The following TMTC2 variants were observed in gnomAD, a reference collection of about 807,000 sequenced individuals.
TMTC2 encodes the protein transmembrane O-mannosyltransferase targeting cadherins 2, also known as protein O-mannosyl-transferase TMTC2.
In TMTC2, 43 loss-of-function variants were observed where a neutral mutation model predicts 82.4. The ratio of observed to expected loss-of-function variants is 0.52; its 90% CI spans 0.41 to 0.67. The LOEUF (loss-of-function observed/expected upper bound fraction) is 0.67, where lower values mean the gene tolerates loss of function less well. Among genes scored for constraint, TMTC2 ranks in the 30% least tolerant of loss-of-function variants. TMTC2 has a pLI of 0.00. For synonymous variants in TMTC2, 408 were observed against 381.9 expected, an observed-to-expected ratio of 1.07 and a Z score of -0.80; for missense variants, 919 against 1,012.4, an observed-to-expected ratio of 0.91 and a Z score of 1.25.
At chr12:82,907,330 G>T (rs1020333400) in intron 3 of TMTC2, among the ~76,000 whole-genome samples, 1 of 151,920 alleles carries the variant, frequency 6.6e-6, no homozygotes, top group African/African-American at 2.4e-5. Flanking sequence ...GGGCGTGGTG[G>T]TGCGCGCCTA....
At chr12:82,982,983 A>C (rs1202813651) in intron 7 of TMTC2, among the ~76,000 whole-genome samples, 2 of 151,908 alleles carry the variant, frequency 1.3e-5, no homozygotes, top group African/African-American at 4.8e-5. Context: ...TTATAAAGCA[A>C]CTATTATAGA....
chr12:83,086,906 G>A (rs1883679684), intron 11 of TMTC2, among the ~76,000 whole-genome samples: 1 of 152,162 alleles, frequency 6.6e-6, no homozygotes, highest in African/African-American at 2.4e-5. Context: ...TTTGCTGAAG[G>A]CTGGGCTGGC....
At chr12:83,061,666 G>T in intron 10 of TMTC2, 102 bp from the exon 11 acceptor site, 1 of 999,724 alleles carries the variant, frequency 1.0e-6, no homozygotes, top group South Asian at 1.9e-5. Flanking sequence ...TGTTTGGTGT[G>T]ACCAGAATTT....
chr12:82,818,109 A>G (rs1868858500), intron 1 of TMTC2, among the ~76,000 whole-genome samples: 1 of 151,998 alleles, frequency 6.6e-6, no homozygotes, highest in South Asian at 2.1e-4. Flanking sequence ...CATGAAAATA[A>G]TTTTGTATTT....
intron 11 of TMTC2, among the ~76,000 whole-genome samples, chr12:83,095,058 G>A (rs1336966233): frequency 2.6e-5 from 4 of 152,104 alleles, no homozygotes; most frequent in African/African-American, 4.8e-5. Context: ...AAAAAACATG[G>A]CACATTAGTG....
chr12:82,903,738 C>G (rs12309442), intron 3 of TMTC2, among the ~76,000 whole-genome samples: 1 of 152,126 alleles, frequency 6.6e-6, no homozygotes, highest in Non-Finnish European at 1.5e-5. Context: ...TAAAAAATGG[C>G]ATAGATGCTG....
At chr12:82,774,633 ATT>A (rs1211938967) in intron 1 of TMTC2, among the ~76,000 whole-genome samples, 17 of 130,942 alleles carry the variant, frequency 1.3e-4, no homozygotes, top group Admixed American at 1.6e-4. Context: ...AAAAAGAACA[ATT>A]TTTTTTTTTT....
At chr12:82,732,383 C>G (rs1169218800) in intron 1 of TMTC2, among the ~76,000 whole-genome samples, 1 of 151,984 alleles carries the variant, frequency 6.6e-6, no homozygotes, top group Non-Finnish European at 1.5e-5. Flanking sequence ...TGTCCTGTCG[C>G]CCAGGCTGGA....
chr12:82,938,832 T>C (rs968526417), intron 4 of TMTC2, among the ~76,000 whole-genome samples: 2 of 152,282 alleles, frequency 1.3e-5, no homozygotes, highest in South Asian at 2.1e-4. Context: ...GAGTAAAACA[T>C]AGAAGTCCCT....
chr12:83,096,162 T>C (rs961721345), intron 11 of TMTC2, among the ~76,000 whole-genome samples: 11 of 152,270 alleles, frequency 7.2e-5, no homozygotes, highest in Admixed American at 3.3e-4. Context: ...GTTTGAAATA[T>C]GTTTTCTGCC....
At chr12:82,802,546 T>C (rs73358237) in intron 1 of TMTC2, among the ~76,000 whole-genome samples, 2,163 of 152,290 alleles carry the variant, frequency 0.014, 51 homozygotes, top group African/African-American at 0.05. Context: ...GGCAATTGGG[T>C]AAAGACATTT....
chr12:83,096,453 G>GA (rs149556543), intron 11 of TMTC2, among the ~76,000 whole-genome samples: 6,634 of 152,254 alleles, frequency 0.044, 226 homozygotes, highest in Middle Eastern at 0.092. Flanking sequence ...AGACATACCT[G>GA]AGACAGGGTA....
intron 1 of TMTC2, among the ~76,000 whole-genome samples, chr12:82,748,406 C>T (rs762610185): frequency 1.3e-4 from 20 of 152,096 alleles, no homozygotes; most frequent in Non-Finnish European, 2.1e-4. Context: ...ATACAGTATG[C>T]GCTTTGGAGG....
At chr12:82,812,849 A>T (rs1471422198) in intron 1 of TMTC2, among the ~76,000 whole-genome samples, 1 of 152,070 alleles carries the variant, frequency 6.6e-6, no homozygotes, top group Non-Finnish European at 1.5e-5. Flanking sequence ...GATTTGTAGG[A>T]TTAAAAACAA....
intron 1 of TMTC2, among the ~76,000 whole-genome samples, chr12:82,817,161 G>T (rs1399884927): frequency 2.0e-5 from 3 of 151,752 alleles, no homozygotes; most frequent in East Asian, 1.9e-4. Context: ...GAGAGATGGG[G>T]TTTCACCATG....
intron 4 of TMTC2, 48 bp from the exon 5 acceptor site, chr12:82,964,976 T>G (rs1253315200): frequency 7.3e-7 from 1 of 1,375,866 alleles, no homozygotes. Context: ...TGTGGTTTTA[T>G]ATATAATAAT....
chr12:82,929,106 ACT>A (rs1261854709), intron 3 of TMTC2, among the ~76,000 whole-genome samples: 1 of 151,796 alleles, frequency 6.6e-6, no homozygotes, highest in Non-Finnish European at 1.5e-5. Context: ...AGAGGGCCTC[ACT>A]CTGTCGCCCA....
At chr12:83,080,635 G>A (rs1179651568) in intron 11 of TMTC2, among the ~76,000 whole-genome samples, 2 of 152,152 alleles carry the variant, frequency 1.3e-5, no homozygotes, top group Non-Finnish European at 2.9e-5. Context: ...TTTTGAACCT[G>A]TGTCTAAACT....
intron 1 of TMTC2, among the ~76,000 whole-genome samples, chr12:82,825,995 C>T (rs1309150845): frequency 2.0e-5 from 3 of 152,114 alleles, no homozygotes; most frequent in African/African-American, 7.2e-5. Flanking sequence ...AAACTTATTT[C>T]AGAATGATGG....
Sources: allele counts gnomAD v4.1 joint callset (sites outside exome capture counted in the v4.1 genomes callset), GRCh38; gene constraint gnomAD v4.1.1; transcripts MANE v1.5; gene names NCBI Gene and HGNC (gene_info 2026-07-23, HGNC 2026-07-21).